CSMD1: variants seen among roughly 807,000 people sequenced by gnomAD.
The protein encoded by CSMD1 is CUB and sushi domain-containing protein 1.
CSMD1 carries 213 observed loss-of-function variants against 417.5 expected under a neutral mutation model. The ratio of observed to expected loss-of-function variants is 0.51; its 90% CI spans 0.46 to 0.57. The LOEUF (loss-of-function observed/expected upper bound fraction) is 0.57. Among genes scored for constraint, CSMD1 ranks in the 20% least tolerant of loss-of-function variants. The pLI, the probability that CSMD1 is intolerant of heterozygous loss-of-function variation, is 0.00. For missense variants in CSMD1, 6,923 were observed against 4,529.7 expected, an observed-to-expected ratio of 1.53 and a Z score of -15.17; for synonymous variants, 2,862 against 1,736.8, an observed-to-expected ratio of 1.65 and a Z score of -16.11.
intron 1 of CSMD1, among the ~76,000 whole-genome samples, chr8:4,745,395 T>C (rs1047898589): frequency 6.6e-6 from 1 of 152,210 alleles, no homozygotes; most frequent in East Asian, 1.9e-4. Context: ...TTAATAAGTA[T>C]TAAATATAAA....
At chr8:4,914,136 C>G (rs977667582) in intron 1 of CSMD1, among the ~76,000 whole-genome samples, 2 of 152,100 alleles carry the variant, frequency 1.3e-5, no homozygotes, top group African/African-American at 2.4e-5. Context: ...TACACAGTTT[C>G]TTTCTGAAAA....
At chr8:4,374,572 T>G (rs1371264841) in intron 3 of CSMD1, among the ~76,000 whole-genome samples, 1 of 152,064 alleles carries the variant, frequency 6.6e-6, no homozygotes, top group Non-Finnish European at 1.5e-5. Flanking sequence ...TGTCCAGGAA[T>G]GAGCCATGGG....
rs1418556002 is a variant in CSMD1 at position 2,949,362 on chromosome 8, C to G, written c.10339G>C (p.Gly3447Arg). ...GYVSSGLERG[G>R]FTFQGDIHGK... ...TGAATGTCACCTTGAAAAGTAAATCCTCCTCTTTCAAGTCCAGATGACACC... is the reference window on the plus strand; with the variant it reads ...TGAATGTCACCTTGAAAAGTAAATCGTCCTCTTTCAAGTCCAGATGACACC... The change falls in exon 68 of 70, where the codon GGA becomes CGA. Residue 3447 changes from glycine to arginine, a missense_variant. Gly to Arg is a moderately radical substitution (Grantham distance 125). Coordinates refer to ENST00000635120, the MANE Select transcript of CSMD1 (RefSeq NM_033225.6). The G allele has an allele frequency of 5.6e-6, 9 of 1,603,304 alleles. No individual in the cohort carries two copies. Among genetic ancestry groups the G allele is most frequent in the Non-Finnish European group, 6.8e-6 (8 of 1,174,470 alleles).
At chr8:4,151,221 G>C (rs115186661) in intron 3 of CSMD1, among the ~76,000 whole-genome samples, 5 of 152,246 alleles carry the variant, frequency 3.3e-5, no homozygotes, top group African/African-American at 1.2e-4. Context: ...GTAATATCAA[G>C]TATAAATACG....
chr8:4,696,560 C>T (rs910336850), intron 1 of CSMD1, among the ~76,000 whole-genome samples: 3 of 152,194 alleles, frequency 2.0e-5, no homozygotes, highest in Admixed American at 6.5e-5. Flanking sequence ...GGGGAGGCTA[C>T]AGAATGATAT....
intron 23 of CSMD1, among the ~76,000 whole-genome samples, chr8:3,339,536 G>T (rs567157366): frequency 3.0e-4 from 46 of 152,260 alleles, no homozygotes; most frequent in African/African-American, 9.9e-4. Flanking sequence ...ACATCAGAAT[G>T]CCAGTTCCGT....
intron 17 of CSMD1, among the ~76,000 whole-genome samples, chr8:3,392,032 C>G (rs959065660): frequency 6.1e-5 from 9 of 146,684 alleles, no homozygotes; most frequent in African/African-American, 2.3e-4. Context: ...CTCATGTTCT[C>G]ACTCATAGGT....
chr8:2,951,246 G>A lies in CSMD1; in HGVS notation c.10069C>T (p.Leu3357=). 1.9e-6 allele frequency: 3 copies of A among 1,606,150 alleles called. No homozygotes were observed. The highest frequency in any genetic ancestry group is 2.2e-5 in the South Asian group (2 of 89,822). Residue 3357 remains leucine, a synonymous_variant, in exon 66 of 70, where the codon CTG becomes TTG. Coordinates refer to ENST00000635120, the MANE Select transcript of CSMD1 (RefSeq NM_033225.6). ...VPSDVFFVNS[L]WKGYYEYLGK... is the part of the protein sequence containing the mutation. ...AAATATTCATAATACCCCTTCCACAGTGAATTGACGAAAAAGACATCTGAA... is the reference window on the plus strand; with the variant it reads ...AAATATTCATAATACCCCTTCCACAATGAATTGACGAAAAAGACATCTGAA...
intron 49 of CSMD1, among the ~76,000 whole-genome samples, chr8:3,065,871 G>C (rs556678151): frequency 2.6e-5 from 4 of 152,152 alleles, no homozygotes; most frequent in Non-Finnish European, 5.9e-5. Flanking sequence ...CATAAAATCT[G>C]GCTCATTATA....
At chr8:3,903,702 C>T (rs1182175661) in intron 5 of CSMD1, among the ~76,000 whole-genome samples, 1 of 152,136 alleles carries the variant, frequency 6.6e-6, no homozygotes, top group African/African-American at 2.4e-5. Context: ...ACATCAGATA[C>T]AGCATCCTGA....
intron 5 of CSMD1, among the ~76,000 whole-genome samples, chr8:3,980,214 A>G (rs954799321): frequency 6.6e-6 from 1 of 152,230 alleles, no homozygotes; most frequent in Non-Finnish European, 1.5e-5. Context: ...GCTATGCCTC[A>G]TCTTATCAAC....
intron 2 of CSMD1, among the ~76,000 whole-genome samples, chr8:4,608,431 G>C (rs776380137): frequency 1.3e-5 from 2 of 152,192 alleles, no homozygotes; most frequent in Admixed American, 6.5e-5. Flanking sequence ...AAGTGGACTT[G>C]ACATGATTTG....
intron 3 of CSMD1, among the ~76,000 whole-genome samples, chr8:4,164,706 G>A (rs1369882482): frequency 4.6e-5 from 7 of 152,046 alleles, no homozygotes; most frequent in Admixed American, 3.9e-4. Context: ...CTGAGGTGGA[G>A]GAAAGATTCA....
intron 5 of CSMD1, among the ~76,000 whole-genome samples, chr8:3,903,003 T>TA (rs1385816901): frequency 2.6e-5 from 4 of 152,248 alleles, no homozygotes; most frequent in Admixed American, 2.6e-4. Flanking sequence ...TTTCTAGTCT[T>TA]ACGATGAATG....
intron 6 of CSMD1, among the ~76,000 whole-genome samples, chr8:3,733,763 T>C (rs2129048364): frequency 6.6e-6 from 1 of 152,310 alleles, no homozygotes; most frequent in East Asian, 1.9e-4. Context: ...TTATTTTACT[T>C]GTACTTAATG....
intron 57 of CSMD1, among the ~76,000 whole-genome samples, chr8:2,967,715 A>G (rs183085855): frequency 6.6e-6 from 1 of 152,332 alleles, no homozygotes; most frequent in Admixed American, 6.5e-5. Flanking sequence ...ATACTTTTGC[A>G]CATTTAATTG....
chr8:4,039,665 A>G (rs571526774), intron 3 of CSMD1, among the ~76,000 whole-genome samples: 17 of 152,318 alleles, frequency 1.1e-4, no homozygotes, highest in African/African-American at 3.6e-4. Context: ...GAACTGGCTG[A>G]GAATAACTCA....
intron 46 of CSMD1, among the ~76,000 whole-genome samples, chr8:3,101,010 C>A (rs1050548868): frequency 4.0e-5 from 6 of 150,674 alleles, no homozygotes; most frequent in Non-Finnish European, 7.4e-5. Flanking sequence ...TGATCATTAT[C>A]AGAAGGTCAC....
At position 4,276,435 on chromosome 8, in the gene CSMD1, G is replaced by A. The variant is rs139023777; in HGVS notation, c.415+143518C>T. ...TGGGAGTTGAACAATGAGGACTCAT[G>A]GACGCTTGGAGGGGAACATCACACA... On this transcript the variant is annotated intron_variant, in intron 3 of 69. Transcript: ENST00000635120. 1.4e-3 allele frequency among the ~76,000 whole-genome samples: 219 copies of A among 152,188 alleles called. 1 individual carries two copies. Among genetic ancestry groups the A allele is most frequent in the African/African-American group, 4.6e-3 (189 of 41,516 alleles).
Sources: allele counts gnomAD v4.1 joint callset (sites outside exome capture counted in the v4.1 genomes callset), GRCh38; gene constraint gnomAD v4.1.1; transcripts MANE v1.5; gene names NCBI Gene and HGNC (gene_info 2026-07-23, HGNC 2026-07-21).